The following ZNF33B variants were observed in gnomAD, a reference collection of about 807,000 sequenced individuals.
The protein encoded by ZNF33B is zinc finger protein 33B, also known as zinc finger protein 11b (KOX 2).
ZNF33B carries 29 observed loss-of-function variants against 45.8 expected under a neutral mutation model. The ratio of observed to expected loss-of-function variants is 0.63; its 90% CI spans 0.47 to 0.86. The LOEUF is 0.86. ZNF33B is among the 40% of genes least tolerant of loss of function. The pLI is 0.00. For missense variants in ZNF33B, 831 were observed against 909.9 expected (o/e 0.91, Z 1.12); for synonymous variants, 305 against 307.8 (o/e 0.99, Z 0.10).
intron 4 of ZNF33B, among the ~76,000 whole-genome samples, chr10:42,596,432 T>C (rs552230092): frequency 2.6e-5 from 4 of 152,302 alleles, no homozygotes; most frequent in African/African-American, 9.6e-5. Flanking sequence ...GTTTTAGTTA[T>C]TGTAGTTCCT....
rs756223306 is a variant in ZNF33B, at chr10:42,632,422, C to G, written c.27G>C (p.Gln9His). 8 of 1,613,398 alleles carry G rather than the reference C, an allele frequency of 5.0e-6. No individual in the cohort carries two copies. Among genetic ancestry groups the G allele is most frequent in the Non-Finnish European group, 6.8e-6 (8 of 1,179,880 alleles). The change falls in exon 3 of 5, where the codon CAG becomes CAC. Residue 9 changes from glutamine to histidine, a missense_variant. Transcript: ENST00000359467. ...TCACATCTTTAAATGATACTGACCC[C>G]TGGAACTTCTGATCTACCTGAAATG... MNKVDQKF[Q>H]GSVSFKDVTV...
chr10:42,611,335 C>T (rs150228135), intron 4 of ZNF33B, among the ~76,000 whole-genome samples: 88 of 150,780 alleles, frequency 5.8e-4, no homozygotes, highest in Non-Finnish European at 1.0e-3. Context: ...AGTGAGACTC[C>T]GTCTCAAAAA....
In ZNF33B at chr10:42,637,737, C is replaced by T. The variant is rs551173050; in HGVS notation, c.-45+737G>A. 1.4e-4 allele frequency among the ~76,000 whole-genome samples: 22 copies of T among 152,246 alleles called. 1 individual carries two copies. Among genetic ancestry groups the T allele is most frequent in the Middle Eastern group, 6.8e-3 (2 of 294 alleles). ...GAGTGCAATGGTGCAATCTCAGCTA[C>T]CTGCAACCTCCGCCTCCCGGGTTCA... On this transcript the variant is annotated intron_variant, in intron 1 of 4. Coordinates refer to ENST00000359467, the MANE Select transcript of ZNF33B (RefSeq NM_006955.3).
At chr10:42,633,114 A>C (rs1158716548) in intron 2 of ZNF33B, among the ~76,000 whole-genome samples, 2 of 152,240 alleles carry the variant, frequency 1.3e-5, no homozygotes, top group Admixed American at 1.3e-4. Flanking sequence ...TATGAATTCT[A>C]ATTTAATTCT....
chr10:42,611,068 G>A (rs1478818441), intron 4 of ZNF33B, among the ~76,000 whole-genome samples: 2 of 152,046 alleles, frequency 1.3e-5, no homozygotes, highest in Non-Finnish European at 1.5e-5. Flanking sequence ...TTTTTGGCTG[G>A]TCGTGGTAGC....
downstream of ZNF33B, among the ~76,000 whole-genome samples, chr10:42,586,414 G>C (rs1040605882): frequency 6.6e-6 from 1 of 151,824 alleles, no homozygotes; most frequent in African/African-American, 2.4e-5. Context: ...CTCCCAGAGT[G>C]CTGGGATTAC....
At chr10:42,632,657 T>A (rs1839113985) in intron 2 of ZNF33B, among the ~76,000 whole-genome samples, 1 of 152,188 alleles carries the variant, frequency 6.6e-6, no homozygotes, top group Non-Finnish European at 1.5e-5. Context: ...CTGGCAACAC[T>A]AAGATTAATA....
intron 4 of ZNF33B, among the ~76,000 whole-genome samples, chr10:42,610,827 G>C (rs756670777): frequency 5.1e-4 from 77 of 152,274 alleles, no homozygotes; most frequent in Non-Finnish European, 9.3e-4. Flanking sequence ...TGGAAATTTA[G>C]GGAGCTGAAT....
chr10:42,584,807 C>T (rs1836898792), downstream of ZNF33B, among the ~76,000 whole-genome samples: 1 of 152,206 alleles, frequency 6.6e-6, no homozygotes. Context: ...AGGCGTGAGC[C>T]ATTGTGCCTG....
In ZNF33B at chr10:42,591,635, A is replaced by G. The variant is rs2132031520; in HGVS notation, c.*978T>C. 4.4e-6 allele frequency: 2 copies of G among 456,518 alleles called. No individual in the cohort carries two copies. Among genetic ancestry groups the G allele is most frequent in the South Asian group, 9.5e-5 (1 of 10,550 alleles). 28.3% of individuals were successfully genotyped at this position (456,518 alleles called of 1,614,324 possible). A position where few individuals can be genotyped will look rare whatever the true frequency, so the allele number is the denominator to read the frequency against. On this transcript the variant is annotated 3_prime_UTR_variant, in exon 5 of 5. Coordinates refer to ENST00000359467, the MANE Select transcript of ZNF33B (RefSeq NM_006955.3). ...ATGAAACACACGATTTATATCACAT[A>G]CCACTTGTACATATGTAAGTCCTAT...
At chr10:42,576,476 T>TA (rs1302799688) in intron 1 of ZNF33B, among the ~76,000 whole-genome samples, 2 of 152,214 alleles carry the variant, frequency 1.3e-5, no homozygotes, top group Admixed American at 6.5e-5. Context: ...CTGCTCAAGA[T>TA]AGAGTGCAGG....
At chr10:42,587,467 G>A (rs1242563422), downstream of ZNF33B, among the ~76,000 whole-genome samples, 2 of 152,110 alleles carry the variant, frequency 1.3e-5, no homozygotes, top group African/African-American at 4.8e-5. Flanking sequence ...AAAATGCTGG[G>A]ACTTGTGCTT....
rs1301601758 is a variant in ZNF33B at position 42,623,223 on chromosome 10, T to A, written c.250+8706A>T. On this transcript the variant is annotated intron_variant, in intron 4 of 4. Coordinates refer to ENST00000359467, the MANE Select transcript of ZNF33B (RefSeq NM_006955.3). ...CAGAGGCTGTGGTGAGCCGAGATCG[T>A]GCCACTGCACTCTGGCCTGGGTGAC... Among the ~76,000 whole-genome samples, 9 of 152,224 alleles carry A rather than the reference T, an allele frequency of 5.9e-5. No homozygotes were observed. In the East Asian group the frequency reaches 1.7e-3, roughly 29 times the overall value.
Position 42,592,406 on chromosome 10 carries a change from T to C in ZNF33B, c.*207A>G. ...TTATGCCAGTATTAACCATCTGATA[T>C]TCAACAGAATATCACTTCCTAACAA... is the stretch of plus-strand genomic sequence containing the variant. On this transcript the variant is annotated 3_prime_UTR_variant, in exon 5 of 5. Coordinates refer to ENST00000359467, the MANE Select transcript of ZNF33B (RefSeq NM_006955.3). 2.6e-6 allele frequency: 2 copies of C among 771,000 alleles called. No individual in the cohort carries two copies. Among genetic ancestry groups the C allele is most frequent in the Non-Finnish European group, 3.9e-6 (2 of 516,016 alleles). 47.8% of individuals were successfully genotyped at this position (771,000 alleles called of 1,614,324 possible).
At position 42,593,185 on chromosome 10, in the gene ZNF33B, T is replaced by C; in HGVS notation, c.1765A>G (p.Ile589Val). 1.9e-6 allele frequency: 3 copies of C among 1,607,164 alleles called. No individual in the cohort carries two copies. The highest frequency in any genetic ancestry group is 2.5e-6 in the Non-Finnish European group (3 of 1,177,630). Residue 589 changes from isoleucine (I) to valine (V), a missense_variant, in exon 5 of 5, where the codon ATC becomes GTC. By Grantham distance (29) the Ile-to-Val change is conservative. Coordinates refer to ENST00000359467, the MANE Select transcript of ZNF33B (RefSeq NM_006955.3). ...KPYECHECGK[I>V]FYNKSYLTKH... is the part of the protein sequence containing the mutation. The stretch of plus-strand genomic sequence containing the variant: ...GTTAGGTATGATTTATTGTAAAAGA[T>C]TTTTCCACATTCATGACATTCATAG...
chr10:42,616,498 TA>T lies in ZNF33B; in HGVS notation c.250+15430del, dbSNP rs1838321088. Among the ~76,000 whole-genome samples, 4 of 152,258 alleles carry T rather than the reference TA, an allele frequency of 2.6e-5. No homozygotes were observed. The South Asian group carries it at 8.3e-4, about 32-fold the overall frequency. On this transcript the variant is annotated intron_variant, in intron 4 of 4. Coordinates refer to ENST00000359467, the MANE Select transcript of ZNF33B (RefSeq NM_006955.3). ...TAACATTTACTTTTGCTTGTACAGATAATCAAATCGTCTGCACACAAAATGA... is the reference window on the plus strand; with the variant it reads ...TAACATTTACTTTTGCTTGTACAGATATCAAATCGTCTGCACACAAAATGA...
In ZNF33B at chr10:42,593,790, C is replaced by T. The variant is rs1837263647; in HGVS notation, c.1160G>A (p.Cys387Tyr). The T allele has an allele frequency of 1.2e-6, 2 of 1,613,976 alleles. No individual in the cohort carries two copies. Residue 387 changes from cysteine to tyrosine, a missense_variant, in exon 5 of 5, where the codon TGC becomes TAC. Coordinates refer to ENST00000359467, the MANE Select transcript of ZNF33B (RefSeq NM_006955.3). Reference protein sequence around the residue: ...RSHTGEKPFECNECGKAFSHK... With the variant: ...RSHTGEKPFEYNECGKAFSHK... ...GCTAAAGGCTTTCCCACATTCATTG[C>T]ATTCAAAAGGTTTCTCCCCTGTGTG...
chr10:42,636,351 G>A (rs1839299516), intron 2 of ZNF33B, among the ~76,000 whole-genome samples: 1 of 152,176 alleles, frequency 6.6e-6, no homozygotes, highest in South Asian at 2.1e-4. Context: ...TGTGTCTTCA[G>A]AGGAGTCAGT....
chr10:42,625,650 T>C (rs11239707), intron 4 of ZNF33B, among the ~76,000 whole-genome samples: 1 of 152,216 alleles, frequency 6.6e-6, no homozygotes, highest in East Asian at 1.9e-4. Flanking sequence ...ATTTTGTATT[T>C]TTAGTAGAGA....
Sources: gnomAD v4.1 joint callset for allele counts (sites outside exome capture counted in the v4.1 genomes callset) on GRCh38, gnomAD v4.1.1 for gene constraint, MANE v1.5 for transcripts, NCBI Gene and HGNC (gene_info 2026-07-23, HGNC 2026-07-21) for gene names.